The following IMPG1 variants were observed in gnomAD, a reference collection of about 807,000 sequenced individuals.
IMPG1 encodes the protein interphotoreceptor matrix proteoglycan 1, also known as interphotoreceptor matrix proteoglycan of 150 kDa.
In IMPG1, 85 loss-of-function variants were observed where a neutral mutation model predicts 92.0. The ratio of observed to expected loss-of-function variants is 0.92; its 90% CI spans 0.78 to 1.11. The LOEUF is 1.11. IMPG1 is among the 50% of genes least tolerant of loss of function. IMPG1 has a pLI of 0.00. For missense variants in IMPG1, 1,022 were observed against 956.0 expected (o/e 1.07, Z -0.91); for synonymous variants, 367 against 334.1 (o/e 1.10, Z -1.08).
At chr6:75,975,784 C>A (rs767220359) in intron 12 of IMPG1, among the ~76,000 whole-genome samples, 1 of 152,124 alleles carries the variant, frequency 6.6e-6, no homozygotes, top group Non-Finnish European at 1.5e-5. Context: ...GCTGTATAGA[C>A]CATGTGCTCT....
intron 12 of IMPG1, among the ~76,000 whole-genome samples, chr6:75,980,452 G>A (rs920037404): frequency 1.3e-5 from 2 of 152,186 alleles, no homozygotes; most frequent in African/African-American, 4.8e-5. Context: ...GTTGCCAAAG[G>A]AGATTAACAT....
At chr6:75,924,403 T>C (rs979357770) in intron 15 of IMPG1, among the ~76,000 whole-genome samples, 10 of 116,332 alleles carry the variant, frequency 8.6e-5, no homozygotes, top group Non-Finnish European at 1.3e-4. Context: ...TATAAAAAAT[T>C]ATATATAATT....
intron 12 of IMPG1, among the ~76,000 whole-genome samples, chr6:75,964,973 T>C (rs933904990): frequency 2.6e-5 from 4 of 152,184 alleles, no homozygotes; most frequent in Non-Finnish European, 5.9e-5. Flanking sequence ...TACAGTGGGA[T>C]TGGCTTTTCT....
chr6:76,039,593 T>A (rs765316064), intron 2 of IMPG1, among the ~76,000 whole-genome samples: 4 of 152,140 alleles, frequency 2.6e-5, no homozygotes, highest in Non-Finnish European at 5.9e-5. Flanking sequence ...TGACCTCAGG[T>A]GATCTGCCTA....
intron 13 of IMPG1, among the ~76,000 whole-genome samples, chr6:75,949,176 C>T (rs1441447086): frequency 6.6e-6 from 1 of 152,168 alleles, no homozygotes; most frequent in Non-Finnish European, 1.5e-5. Context: ...TGAATAGGAG[C>T]TGGGTAAAAT....
intron 12 of IMPG1, among the ~76,000 whole-genome samples, chr6:75,995,493 T>C (rs545126523): frequency 6.6e-6 from 1 of 152,332 alleles, no homozygotes; most frequent in African/African-American, 2.4e-5. Flanking sequence ...TCCCCTCTGC[T>C]GAAAATACCC....
intron 12 of IMPG1, among the ~76,000 whole-genome samples, chr6:75,995,882 G>A (rs867570039): frequency 9.2e-5 from 14 of 152,158 alleles, no homozygotes; most frequent in South Asian, 4.1e-4. Context: ...TCCTTGTTTC[G>A]GGGTCTGTTT....
intron 12 of IMPG1, among the ~76,000 whole-genome samples, chr6:75,952,253 G>T (rs1457978169): frequency 6.6e-6 from 1 of 152,092 alleles, no homozygotes; most frequent in Non-Finnish European, 1.5e-5. Context: ...TTCTTCAGTG[G>T]CCTTTTGGCA....
intron 8 of IMPG1, 59 bp downstream of exon 8, chr6:76,011,107 A>G: frequency 1.1e-6 from 1 of 943,144 alleles, no homozygotes; most frequent in Admixed American, 2.0e-5. Context: ...CATTGTTTTT[A>G]CAAAAGGATA....
chr6:75,927,884 T>C (rs957689992), intron 15 of IMPG1, among the ~76,000 whole-genome samples: 1 of 151,484 alleles, frequency 6.6e-6, no homozygotes, highest in Non-Finnish European at 1.5e-5. Flanking sequence ...GTCCATGTTA[T>C]GCCCCAGAGA....
intron 12 of IMPG1, among the ~76,000 whole-genome samples, chr6:75,960,370 C>G (rs1247910828): frequency 6.6e-6 from 1 of 152,196 alleles, no homozygotes; most frequent in Non-Finnish European, 1.5e-5. Context: ...ATATTAATCC[C>G]TCACATTCAC....
intron 14 of IMPG1, among the ~76,000 whole-genome samples, chr6:75,945,852 A>AGAAGCT (rs1018285559): frequency 6.6e-6 from 1 of 152,072 alleles, no homozygotes; most frequent in Non-Finnish European, 1.5e-5. Context: ...ATCTACATTG[A>AGAAGCT]GAAGCTGCTC....
chr6:75,985,851 G>GA (rs1367790249), intron 12 of IMPG1, among the ~76,000 whole-genome samples: 1 of 152,012 alleles, frequency 6.6e-6, no homozygotes, highest in Non-Finnish European at 1.5e-5. Flanking sequence ...GAACCAAAAA[G>GA]AAAAAGTTAA....
intron 12 of IMPG1, among the ~76,000 whole-genome samples, chr6:75,959,789 G>C (rs567867336): frequency 6.6e-6 from 1 of 152,228 alleles, no homozygotes; most frequent in African/African-American, 2.4e-5. Flanking sequence ...GTGGATCTTA[G>C]CTTGCTGGGC....
At chr6:75,922,845 C>T (rs1781452165) in intron 16 of IMPG1, among the ~76,000 whole-genome samples, 1 of 151,954 alleles carries the variant, frequency 6.6e-6, no homozygotes, top group Non-Finnish European at 1.5e-5. Context: ...GTGTGATTTC[C>T]CCAGTATCCT....
chr6:75,933,220 A>G (rs913756309), intron 14 of IMPG1, among the ~76,000 whole-genome samples: 1 of 152,248 alleles, frequency 6.6e-6, no homozygotes, highest in Admixed American at 6.5e-5. Flanking sequence ...GCCATTGTCT[A>G]GAAGAATATT....
chr6:76,038,403 G>T (rs931106928), intron 2 of IMPG1, among the ~76,000 whole-genome samples: 2 of 152,162 alleles, frequency 1.3e-5, no homozygotes, highest in Non-Finnish European at 2.9e-5. Flanking sequence ...TTTCTGAGGG[G>T]CAGGCTTTCT....
At chr6:76,039,007 G>A (rs1783789779) in intron 2 of IMPG1, among the ~76,000 whole-genome samples, 1 of 152,216 alleles carries the variant, frequency 6.6e-6, no homozygotes, top group African/African-American at 2.4e-5. Context: ...ATGGGAATCA[G>A]GACACTGAGT....
Position 75,943,235 on chromosome 6 carries a change from G to T in IMPG1, c.2044+4079C>A, listed in dbSNP as rs543322431. Reference sequence around the variant, plus strand: ...GGTAGCTCGTACTGCTGTGTGCCCTGCATGGTTAGTGGTCCCCTCTGAATC... The same window carrying T: ...GGTAGCTCGTACTGCTGTGTGCCCTTCATGGTTAGTGGTCCCCTCTGAATC... On this transcript the variant is annotated intron_variant, in intron 14 of 16. Coordinates refer to ENST00000369950, the MANE Select transcript of IMPG1 (RefSeq NM_001563.4). Among the ~76,000 whole-genome samples, 3 of 152,218 alleles carry T rather than the reference G, an allele frequency of 2.0e-5. No individual in the cohort carries two copies. The South Asian group carries it at 6.2e-4, about 32-fold the overall frequency.
Sources: allele counts gnomAD v4.1 joint callset (sites outside exome capture counted in the v4.1 genomes callset), GRCh38; gene constraint gnomAD v4.1.1; transcripts MANE v1.5; gene names NCBI Gene and HGNC (gene_info 2026-07-23, HGNC 2026-07-21).